HK1: variants seen among roughly 807,000 people sequenced by gnomAD.
The protein encoded by HK1 is hexokinase 1.
A neutral mutation model predicts 91.6 loss-of-function variants in HK1; 28 were observed. The observed-to-expected ratio is 0.31, with a 90% CI of 0.23 to 0.42. The LOEUF (loss-of-function observed/expected upper bound fraction) is 0.42, where lower values mean the gene tolerates loss of function less well. Among genes scored for constraint, HK1 ranks in the 10% least tolerant of loss-of-function variants. The pLI, the probability that HK1 is intolerant of heterozygous loss-of-function variation, is 1.00. For missense variants in HK1, 770 were observed against 1,219.8 expected, an observed-to-expected ratio of 0.63 and a Z score of 5.49; for synonymous variants, 430 against 468.1, an observed-to-expected ratio of 0.92 and a Z score of 1.05.
At chr10:69,275,614 C>T (rs558297941) in intron 1 of HK1, among the ~76,000 whole-genome samples, 15 of 152,174 alleles carry the variant, frequency 9.9e-5, no homozygotes, top group Non-Finnish European at 1.6e-4. Flanking sequence ...TGTAAATGAA[C>T]GGGTATGGCT....
intron 5 of HK1, among the ~76,000 whole-genome samples, chr10:69,303,978 T>TG (rs1481089859): frequency 2.0e-5 from 3 of 152,158 alleles, no homozygotes; most frequent in Non-Finnish European, 4.4e-5. Flanking sequence ...AGTTTCTGGC[T>TG]GGGGGCCACA....
intron 1 of HK1, chr10:69,338,228 G>A: frequency 9.0e-7 from 1 of 1,110,704 alleles, no homozygotes; most frequent in Non-Finnish European, 1.1e-6. Context: ...TGTGCAGCCG[G>A]TCTGGCTACC....
chr10:69,375,858 G>A (rs147812134), intron 7 of HK1, among the ~76,000 whole-genome samples: 63 of 152,318 alleles, frequency 4.1e-4, no homozygotes, highest in African/African-American at 1.5e-3. Flanking sequence ...AGCAATGCGT[G>A]TTGGCTTCTA....
chr10:69,281,664 G>C (rs1300351371), intron 1 of HK1, among the ~76,000 whole-genome samples: 2 of 152,182 alleles, frequency 1.3e-5, no homozygotes, highest in Admixed American at 6.5e-5. Context: ...GTTTCCTCCA[G>C]AGAATGTAAG....
intron 2 of HK1, among the ~76,000 whole-genome samples, chr10:69,284,358 G>C (rs144884583): frequency 1.3e-5 from 2 of 152,118 alleles, no homozygotes; most frequent in Admixed American, 1.3e-4. Flanking sequence ...GCAGTGCCTC[G>C]CAGACAGGAA....
chr10:69,394,794 C>T (rs1368360828), intron 15 of HK1, among the ~76,000 whole-genome samples, 156 bp from the exon 16 acceptor site: 1 of 152,118 alleles, frequency 6.6e-6, no homozygotes. Flanking sequence ...CCTGGTCCTC[C>T]CACTCTGCCT....
chr10:69,355,055 G>C (rs7097551), intron 2 of HK1, among the ~76,000 whole-genome samples: 63,581 of 133,280 alleles, frequency 0.48, 15,331 homozygotes, highest in African/African-American at 0.62. Context: ...GGCAATGGAG[G>C]AAGACTCCCT....
rs1182077321 is a variant in HK1, at chr10:69,276,125, ATAT to A, written c.-391+6018_-391+6020del. Among the ~76,000 whole-genome samples, 23 of 79,322 alleles carry A rather than the reference ATAT, an allele frequency of 2.9e-4. 3 individuals carry two copies. Among genetic ancestry groups the A allele is most frequent in the Non-Finnish European group, 5.8e-4 (20 of 34,256 alleles). 52.0% of individuals were successfully genotyped at this position (79,322 alleles called of 152,430 possible). A position where few individuals can be genotyped will look rare whatever the true frequency, so the allele number is the denominator to read the frequency against. On this transcript the variant is annotated intron_variant, in intron 1 of 21. Transcript: ENST00000360289. ...AAAAAAAAAAAAAAAAAAAATACAT[ATAT>A]ATATATATATACACATATATATATT...
chr10:69,338,822 A>C, intron 1 of HK1: 4 of 683,736 alleles, frequency 5.9e-6, no homozygotes, highest in Non-Finnish European at 8.2e-6. Flanking sequence ...AGGAAGGAGG[A>C]GAGTAAAGAT....
Position 69,401,813 on chromosome 10 carries a change from C to A in HK1, c.*678C>A. ...AAAAGGAACCAACCAACAAACAATG[C>A]CATCACTGGAATTTCCCACCGCTTT... On this transcript the variant is annotated 3_prime_UTR_variant, in exon 18 of 18. Coordinates refer to ENST00000359426, the MANE Select transcript of HK1 (RefSeq NM_000188.3). The A allele has an allele frequency of 6.1e-6, 1 of 163,678 alleles. No homozygotes were observed. 10.1% of individuals were successfully genotyped at this position (163,678 alleles called of 1,614,324 possible).
At chr10:69,344,670 C>A (rs1324138926) in intron 2 of HK1, among the ~76,000 whole-genome samples, 1 of 152,234 alleles carries the variant, frequency 6.6e-6, no homozygotes, top group African/African-American at 2.4e-5. Context: ...TGTTTCTCCT[C>A]CCCAGAGGAG....
At position 69,276,118 on chromosome 10, in the gene HK1, A is replaced by AATATATATATATATATAT. The variant is rs1554874322; in HGVS notation, c.-391+6013_-391+6014insTATATATATATATATATA. 9.7e-4 allele frequency among the ~76,000 whole-genome samples: 37 copies of AATATATATATATATATAT among 38,264 alleles called. 4 individuals are homozygous for AATATATATATATATATAT. The highest frequency in any genetic ancestry group is 3.1e-3 in the South Asian group (2 of 644). The allele number at this position is 38,264 out of a possible 152,430, so 25.1% of individuals were successfully genotyped here. On this transcript the variant is annotated intron_variant, in intron 1 of 21. Transcript: ENST00000360289. ...AAAAAAAAAAAAAAAAAAAAAAAAA[A>AATATATATATATATATAT]ATACATATATATATATATATACACA...
intron 5 of HK1, among the ~76,000 whole-genome samples, chr10:69,310,050 CATA>C (rs1564500805): frequency 1.7e-5 from 2 of 115,620 alleles, no homozygotes; most frequent in Non-Finnish European, 1.7e-5. Context: ...AACTCCATCT[CATA>C]AAAAAAAAAA....
At chr10:69,302,234 C>A (rs564829180) in intron 5 of HK1, among the ~76,000 whole-genome samples, 1 of 148,136 alleles carries the variant, frequency 6.8e-6, no homozygotes, top group Non-Finnish European at 1.5e-5. Context: ...GCAACAAGAG[C>A]AAAACTCCAT....
intron 1 of HK1, chr10:69,338,492 T>A: frequency 7.8e-7 from 1 of 1,287,558 alleles, no homozygotes; most frequent in Non-Finnish European, 1.0e-6. Flanking sequence ...CTCTGTCTTC[T>A]GATAGATGGT....
At chr10:69,388,570 A>G (rs753044274) in intron 13 of HK1, among the ~76,000 whole-genome samples, 5 of 152,210 alleles carry the variant, frequency 3.3e-5, no homozygotes, top group African/African-American at 7.2e-5. Context: ...AAAAATAGGA[A>G]TTATACCATA....
chr10:69,381,639 T>C (rs1255690896), intron 9 of HK1, among the ~76,000 whole-genome samples: 1 of 150,958 alleles, frequency 6.6e-6, no homozygotes. Flanking sequence ...CTGCAACCTC[T>C]GCCTCCCAGG....
intron 3 of HK1, chr10:69,288,861 A>G (rs1845150795): frequency 1.8e-6 from 2 of 1,084,502 alleles, no homozygotes; most frequent in Non-Finnish European, 2.8e-6. Flanking sequence ...ATCTCGGCTC[A>G]CTATAACCTC....
At chr10:69,326,214 A>G (rs1368539901) in intron 1 of HK1, among the ~76,000 whole-genome samples, 1 of 151,576 alleles carries the variant, frequency 6.6e-6, no homozygotes, top group Non-Finnish European at 1.5e-5. Flanking sequence ...TGAATTATAT[A>G]TATATGTAAT....
Sources: allele counts gnomAD v4.1 joint callset (sites outside exome capture counted in the v4.1 genomes callset), GRCh38; gene constraint gnomAD v4.1.1; transcripts MANE v1.5; gene names NCBI Gene and HGNC (gene_info 2026-07-23, HGNC 2026-07-21).